KLHL29: variants seen among roughly 807,000 people sequenced by gnomAD.
KLHL29 encodes the protein kelch like family member 29, also known as kelch-like protein 29.
A neutral mutation model predicts 80.4 loss-of-function variants in KLHL29; 21 were observed. That is an observed-to-expected ratio of 0.26 (90% CI 0.19 to 0.38). KLHL29 has a LOEUF of 0.38. Ranked by LOEUF, KLHL29 falls within the 10% of genes least tolerant of loss-of-function variation. KLHL29 has a pLI of 1.00. For missense variants in KLHL29, 867 were observed against 1,223.9 expected (o/e 0.71, Z 4.35); for synonymous variants, 511 against 526.8 (o/e 0.97, Z 0.41).
chr2:23,680,202 G>T lies in KLHL29; in HGVS notation c.941-4197G>T, dbSNP rs923354291. Among the ~76,000 whole-genome samples, 1 of 152,190 alleles carries T rather than the reference G, an allele frequency of 6.6e-6. No homozygotes were observed. The highest frequency in any genetic ancestry group is 6.5e-5 in the Admixed American group (1 of 15,276). On this transcript the variant is annotated intron_variant, in intron 5 of 13. Coordinates refer to ENST00000486442, the MANE Select transcript of KLHL29 (RefSeq NM_052920.2). The surrounding 1 kb of genome is among the most constrained non-coding windows in gnomAD (Gnocchi z 4.1). ...TGCTGGAGGGCCTAGGGCAGGAGAGGCTGGATCCTGAGAATTCTAGGAGGT... is the reference window on the plus strand; with the variant it reads ...TGCTGGAGGGCCTAGGGCAGGAGAGTCTGGATCCTGAGAATTCTAGGAGGT...
rs183358835 is a variant in KLHL29 at position 23,414,344 on chromosome 2, A to C, written c.-154+28564A>C. Reference sequence around the variant, plus strand: ...GGGGCTGTGGGGGCCGCGCAGACGGATGTGTTTGTGCGGCGGGGTGGGAGG... The same window carrying C: ...GGGGCTGTGGGGGCCGCGCAGACGGCTGTGTTTGTGCGGCGGGGTGGGAGG... On this transcript the variant is annotated intron_variant, in intron 1 of 13. Coordinates refer to ENST00000486442, the MANE Select transcript of KLHL29 (RefSeq NM_052920.2). Among the ~76,000 whole-genome samples the C allele has an allele frequency of 4.4e-3, 622 of 141,838 alleles. 5 individuals are homozygous for C. Among genetic ancestry groups the C allele is most frequent in the African/African-American group, 0.015 (603 of 39,748 alleles). 93.1% of individuals were successfully genotyped at this position (141,838 alleles called of 152,430 possible). A position where few individuals can be genotyped will look rare whatever the true frequency, so the allele number is the denominator to read the frequency against.
rs371481837 is a variant in KLHL29, at chr2:23,419,422, G to A, written c.-154+33642G>A. Among the ~76,000 whole-genome samples the A allele has an allele frequency of 1.2e-3, 189 of 152,208 alleles. 1 individual carries two copies. Among genetic ancestry groups the A allele is most frequent in the African/African-American group, 3.8e-3 (159 of 41,534 alleles). On this transcript the variant is annotated intron_variant, in intron 1 of 13. Coordinates refer to ENST00000486442, the MANE Select transcript of KLHL29 (RefSeq NM_052920.2). ...CAGCCATCACAGGAGCTGCAGGGCC[G>A]TCTGTGGCCCGCGCTGTCGGTGGGA...
At chr2:23,657,982 G>T (rs1363799635) in intron 5 of KLHL29, among the ~76,000 whole-genome samples, 1 of 152,118 alleles carries the variant, frequency 6.6e-6, no homozygotes, top group Non-Finnish European at 1.5e-5. Flanking sequence ...GGGGCAGTTC[G>T]TGGAGCCAGC....
intron 1 of KLHL29, among the ~76,000 whole-genome samples, chr2:23,444,045 T>C (rs1663606975): frequency 6.6e-6 from 1 of 152,216 alleles, no homozygotes; most frequent in East Asian, 1.9e-4. Context: ...TGTCTCTCTT[T>C]GAGTTCTTCC....
intron 1 of KLHL29, among the ~76,000 whole-genome samples, chr2:23,465,617 T>G (rs1440034224): frequency 6.6e-6 from 1 of 152,214 alleles, no homozygotes; most frequent in South Asian, 2.1e-4. Context: ...GCTTTTCTCC[T>G]GTCCTGTCTC....
intron 3 of KLHL29, among the ~76,000 whole-genome samples, chr2:23,629,994 C>T (rs980499434): frequency 3.3e-5 from 5 of 152,248 alleles, no homozygotes; most frequent in African/African-American, 9.6e-5. Context: ...GCATTGTTAC[C>T]GAAACGGAGG....
At chr2:23,635,877 C>T (rs925018330) in intron 3 of KLHL29, among the ~76,000 whole-genome samples, 4 of 152,166 alleles carry the variant, frequency 2.6e-5, no homozygotes, top group Admixed American at 1.3e-4. Context: ...TGGGAGGGCA[C>T]GAGGGGAAGC....
Position 23,597,381 on chromosome 2 carries a change from G to GTATA in KLHL29, c.285+34901_285+34902insATAT, listed in dbSNP as rs773511071. Among the ~76,000 whole-genome samples, 252 of 58,872 alleles carry GTATA rather than the reference G, an allele frequency of 4.3e-3. 3 individuals are homozygous for GTATA. Among genetic ancestry groups the GTATA allele is most frequent in the Middle Eastern group, 0.017 (1 of 60 alleles). The allele number at this position is 58,872 out of a possible 152,430, so 38.6% of individuals were successfully genotyped here. Reference sequence around the variant, plus strand: ...TGTATGTATATATATATGTGTGTGTGTGTATATATATATATATATATATAT... The same window carrying GTATA: ...TGTATGTATATATATATGTGTGTGTGTATATGTATATATATATATATATATATAT... On this transcript the variant is annotated intron_variant, in intron 3 of 13. Coordinates refer to ENST00000486442, the MANE Select transcript of KLHL29 (RefSeq NM_052920.2).
rs1297946579 is a variant in KLHL29, at chr2:23,700,390, ACTACATGT to A, written c.2106-2795_2106-2788del. 6.6e-6 allele frequency among the ~76,000 whole-genome samples: 1 copy of A among 152,228 alleles called. No individual in the cohort carries two copies. Among genetic ancestry groups the A allele is most frequent in the Non-Finnish European group, 1.5e-5 (1 of 68,040 alleles). On this transcript the variant is annotated intron_variant, in intron 11 of 13. Transcript: ENST00000486442. The surrounding 1 kb of genome is among the most constrained non-coding windows in gnomAD (Gnocchi z 4.6). ...AAAATTCATCACTTCCTAATTTTTTACTACATGTTACTACTCTCTTGGGCCTTGAGGTT... is the reference window on the plus strand; with the variant it reads ...AAAATTCATCACTTCCTAATTTTTTATACTACTCTCTTGGGCCTTGAGGTT...
At chr2:23,613,402 T>G (rs1377314893) in intron 3 of KLHL29, among the ~76,000 whole-genome samples, 1 of 152,178 alleles carries the variant, frequency 6.6e-6, no homozygotes, top group Non-Finnish European at 1.5e-5. Context: ...AAAGCAGGTG[T>G]AGCTACATCA....
In KLHL29 at chr2:23,707,256, G is replaced by A. The variant is rs116187684; in HGVS notation, c.*592G>A. 4,968 of 152,350 alleles carry A rather than the reference G, an allele frequency of 0.033. 102 individuals carry two copies. The highest frequency in any genetic ancestry group is 0.087 in the South Asian group (420 of 4,820). The allele number at this position is 152,350 out of a possible 1,614,324, so 9.4% of individuals were successfully genotyped here. On this transcript the variant is annotated 3_prime_UTR_variant, in exon 14 of 14. Coordinates refer to ENST00000486442, the MANE Select transcript of KLHL29 (RefSeq NM_052920.2). ...CAGGGGTGGCAGCTGTGGGACAGCC[G>A]GGGAGCAGGGACAGCGGTCTGTCCT...
intron 2 of KLHL29, among the ~76,000 whole-genome samples, chr2:23,537,879 A>T (rs1666720137): frequency 2.0e-5 from 3 of 152,136 alleles, no homozygotes; most frequent in Admixed American, 2.0e-4. Context: ...AATGTGTCCA[A>T]AGGGTGGCAG....
intron 1 of KLHL29, among the ~76,000 whole-genome samples, chr2:23,472,418 A>G (rs1664518257): frequency 6.6e-6 from 1 of 152,110 alleles, no homozygotes; most frequent in Admixed American, 6.5e-5. Flanking sequence ...GGCGGATCAC[A>G]AGGTCAGAAG....
At chr2:23,597,455 G>A (rs1024046568) in intron 3 of KLHL29, among the ~76,000 whole-genome samples, 2 of 107,180 alleles carry the variant, frequency 1.9e-5, no homozygotes, top group East Asian at 6.5e-4. Context: ...ACAGAGTCTC[G>A]CTCTGTCACC....
chr2:23,438,847 T>C (rs983376803), intron 1 of KLHL29, among the ~76,000 whole-genome samples: 7 of 151,976 alleles, frequency 4.6e-5, no homozygotes, highest in East Asian at 3.9e-4. Flanking sequence ...GGAGGATTCC[T>C]TCTTTTTCTA....
At chr2:23,655,274 T>C (rs986595439) in intron 5 of KLHL29, among the ~76,000 whole-genome samples, 7 of 152,156 alleles carry the variant, frequency 4.6e-5, no homozygotes, top group African/African-American at 1.7e-4. Flanking sequence ...GCATCGCCAA[T>C]GCAATAAAGT....
intron 5 of KLHL29, among the ~76,000 whole-genome samples, chr2:23,649,348 C>T (rs970017260): frequency 6.6e-6 from 1 of 152,258 alleles, no homozygotes; most frequent in Admixed American, 6.5e-5. Flanking sequence ...CTGCCCCAGC[C>T]CTGCTCAGGA....
At chr2:23,522,743 G>T (rs1666143631) in intron 2 of KLHL29, among the ~76,000 whole-genome samples, 1 of 152,060 alleles carries the variant, frequency 6.6e-6, no homozygotes, top group African/African-American at 2.4e-5. Context: ...CCTGAGTCTG[G>T]ACCCCCGAGC....
At chr2:23,392,918 C>T (rs1309107843) in intron 1 of KLHL29, among the ~76,000 whole-genome samples, 3 of 152,234 alleles carry the variant, frequency 2.0e-5, no homozygotes, top group Admixed American at 6.5e-5. Flanking sequence ...GTCTGACCAA[C>T]ATGCATGATA....
Sources: allele counts gnomAD v4.1 joint callset (sites outside exome capture counted in the v4.1 genomes callset), GRCh38; gene constraint gnomAD v4.1.1; non-coding constraint Gnocchi (gnomAD v3.1); transcripts MANE v1.5; gene names NCBI Gene and HGNC (gene_info 2026-07-23, HGNC 2026-07-21).